CYP2C18: variants seen among roughly 807,000 people sequenced by gnomAD.
CYP2C18 encodes the protein cytochrome P450 2C18.
In CYP2C18, 38 loss-of-function variants were observed where a neutral mutation model predicts 41.3. The ratio of observed to expected loss-of-function variants is 0.92; its 90% confidence interval spans 0.71 to 1.21. The LOEUF is 1.21. Among genes scored for constraint, CYP2C18 ranks in the 50% most tolerant of loss-of-function variants. The pLI is 0.00. For missense variants in CYP2C18, 635 were observed against 591.4 expected (o/e 1.07, Z -0.77); for synonymous variants, 236 against 210.0 (o/e 1.12, Z -1.07).
intron 5 of CYP2C18, among the ~76,000 whole-genome samples, chr10:94,712,797 T>G (rs997737653): frequency 6.6e-6 from 1 of 152,198 alleles, no homozygotes; most frequent in African/African-American, 2.4e-5. Flanking sequence ...CTAACTTACA[T>G]TCCCATCAAC....
At chr10:94,698,415 A>G (rs1293292029) in intron 4 of CYP2C18, among the ~76,000 whole-genome samples, 3 of 152,246 alleles carry the variant, frequency 2.0e-5, no homozygotes, top group Non-Finnish European at 4.4e-5. Context: ...AGAAATAAAA[A>G]TGTTCTTTGA....
intron 3 of CYP2C18, among the ~76,000 whole-genome samples, chr10:94,689,748 T>C (rs1250551925): frequency 6.6e-6 from 1 of 152,156 alleles, no homozygotes; most frequent in Non-Finnish European, 1.5e-5. Context: ...TACAGATGCT[T>C]GTTTTTGCTC....
rs532333531 is a variant in CYP2C18, at chr10:94,692,131, A to G, written c.482-2786A>G. Among the ~76,000 whole-genome samples, 29 of 152,338 alleles carry G rather than the reference A, an allele frequency of 1.9e-4. No individual in the cohort carries two copies. In the South Asian group the frequency reaches 5.6e-3, roughly 29 times the overall value. On this transcript the variant is annotated intron_variant, in intron 3 of 8. Transcript: ENST00000285979. ...AGGCATGGGCAAGGACTTCATGTCT[A>G]AAACACCAAAAACAATGGCAACAAA... is the stretch of plus-strand genomic sequence containing the variant.
chr10:94,703,036 C>T (rs915674100), intron 4 of CYP2C18, among the ~76,000 whole-genome samples: 2 of 152,140 alleles, frequency 1.3e-5, no homozygotes, highest in Non-Finnish European at 2.9e-5. Context: ...CACTCCAGAC[C>T]CTGTTTGCCT....
At chr10:94,691,373 C>G (rs894765815) in intron 3 of CYP2C18, among the ~76,000 whole-genome samples, 1 of 152,160 alleles carries the variant, frequency 6.6e-6, no homozygotes, top group African/African-American at 2.4e-5. Flanking sequence ...TTCTTATACA[C>G]CAATAGCAGA....
intron 4 of CYP2C18, among the ~76,000 whole-genome samples, chr10:94,700,147 CA>C (rs1564640583): frequency 6.6e-6 from 1 of 152,022 alleles, no homozygotes; most frequent in Non-Finnish European, 1.5e-5. Context: ...CATATGGAAC[CA>C]AAAAAGAGCC....
intron 5 of CYP2C18, among the ~76,000 whole-genome samples, chr10:94,719,338 C>A (rs1847608812): frequency 6.6e-6 from 1 of 152,140 alleles, no homozygotes; most frequent in South Asian, 2.1e-4. Context: ...TACTGTAGCT[C>A]TGAAGCATCC....
At chr10:94,720,332 G>A in intron 5 of CYP2C18, 64 bp from the exon 6 acceptor site, 1 of 1,439,984 alleles carries the variant, frequency 6.9e-7, no homozygotes. Context: ...ATATATTTTG[G>A]ATTTTTTGTA....
At chr10:94,713,261 C>T (rs1847472044) in intron 5 of CYP2C18, among the ~76,000 whole-genome samples, 1 of 151,754 alleles carries the variant, frequency 6.6e-6, no homozygotes, top group Admixed American at 6.6e-5. Flanking sequence ...ATACATGTGC[C>T]ATGTAGGTGT....
chr10:94,728,518 G>T, intron 7 of CYP2C18: 2 of 358,044 alleles, frequency 5.6e-6, no homozygotes, highest in Non-Finnish European at 7.8e-6. Context: ...CAAAAATGAT[G>T]ATTTTTCTAA....
At chr10:94,698,828 C>T (rs997343794) in intron 4 of CYP2C18, among the ~76,000 whole-genome samples, 9 of 152,110 alleles carry the variant, frequency 5.9e-5, no homozygotes, top group African/African-American at 1.7e-4. Flanking sequence ...ACACAAACTA[C>T]CATCAGAGAA....
At position 94,735,336 on chromosome 10, in the gene CYP2C18, C is replaced by A; in HGVS notation, c.1365C>A (p.Asn455Lys). 6.2e-7 allele frequency: 1 copy of A among 1,613,746 alleles called. No individual in the cohort carries two copies. The highest frequency in any genetic ancestry group is 8.5e-7 in the Non-Finnish European group (1 of 1,179,756). The change falls in exon 9 of 9, where the codon AAC becomes AAA. Residue 455 changes from asparagine (N) to lysine (K), a missense_variant. By Grantham distance (94) the Asn-to-Lys change is moderately conservative (BLOSUM62 0). Coordinates refer to ENST00000285979, the MANE Select transcript of CYP2C18 (RefSeq NM_000772.3). ...TATTCCTGACCACCATTTTGCAGAA[C>A]TTTAACCTGAAATCTCAGGTTGACC... ...LFLFLTTILQ[N>K]FNLKSQVDPK...
intron 4 of CYP2C18, among the ~76,000 whole-genome samples, chr10:94,704,730 A>C (rs1490197418): frequency 3.3e-5 from 5 of 152,150 alleles, no homozygotes; most frequent in Admixed American, 3.3e-4. Flanking sequence ...CATGTTGATA[A>C]CTTTCTAAAT....
At chr10:94,700,371 A>G (rs1375520109) in intron 4 of CYP2C18, among the ~76,000 whole-genome samples, 4 of 152,216 alleles carry the variant, frequency 2.6e-5, no homozygotes, top group South Asian at 2.1e-4. Flanking sequence ...AAAACAAGCA[A>G]TGGGGAGAGG....
intron 5 of CYP2C18, among the ~76,000 whole-genome samples, chr10:94,713,573 T>C (rs542612044): frequency 6.6e-6 from 1 of 152,220 alleles, no homozygotes; most frequent in Admixed American, 6.5e-5. Context: ...CTTAATCCAG[T>C]CTATCACTGA....
intron 3 of CYP2C18, among the ~76,000 whole-genome samples, chr10:94,693,951 C>G (rs769277038): frequency 7.2e-5 from 11 of 152,128 alleles, no homozygotes; most frequent in Non-Finnish European, 1.5e-4. Flanking sequence ...TAATAAAAAT[C>G]AGGGTAATTT....
intron 1 of CYP2C18, among the ~76,000 whole-genome samples, chr10:94,685,338 T>C (rs944659354): frequency 3.3e-5 from 5 of 152,256 alleles, no homozygotes; most frequent in African/African-American, 9.6e-5. Context: ...TTGACCCCTT[T>C]GCTCGTTTTA....
chr10:94,697,673 G>A (rs1294309812), intron 4 of CYP2C18, among the ~76,000 whole-genome samples: 2 of 152,160 alleles, frequency 1.3e-5, no homozygotes, highest in Non-Finnish European at 2.9e-5. Flanking sequence ...CCAATTAAAA[G>A]ACACAGACTG....
chr10:94,685,353 G>T (rs1564636151), intron 1 of CYP2C18, among the ~76,000 whole-genome samples: 1 of 152,016 alleles, frequency 6.6e-6, no homozygotes, highest in African/African-American at 2.4e-5. Flanking sequence ...GTTTTAAATA[G>T]AATTATTTAT....
Sources: gnomAD v4.1 joint callset for allele counts (sites outside exome capture counted in the v4.1 genomes callset) on GRCh38, gnomAD v4.1.1 for gene constraint, MANE v1.5 for transcripts, NCBI Gene and HGNC (gene_info 2026-07-23, HGNC 2026-07-21) for gene names.